Variants in RNF216 observed in about 807,000 individuals in gnomAD.
RNF216 encodes ring finger protein 216.
A neutral mutation model predicts 110.8 loss-of-function variants in RNF216; 72 were observed. The ratio of observed to expected loss-of-function variants is 0.65; its 90% CI spans 0.54 to 0.79. The LOEUF is 0.79. Among genes scored for constraint, RNF216 ranks in the 30% least tolerant of loss-of-function variants. The probability of loss-of-function intolerance (pLI) is 0.00; values close to 1 mark genes in which losing one functional copy is unlikely to be tolerated. For synonymous variants in RNF216, 495 were observed against 407.5 expected (o/e 1.21, Z -2.59); for missense variants, 1,342 against 1,141.2 (o/e 1.18, Z -2.54).
At chr7:5,736,823 G>A (rs1173704567) in intron 5 of RNF216, among the ~76,000 whole-genome samples, 12 of 151,790 alleles carry the variant, frequency 7.9e-5, no homozygotes, top group African/African-American at 2.9e-4. Context: ...CGTCTGAGAA[G>A]TGAGGAGCCC....
chr7:5,630,449 C>A (rs1404808078), intron 15 of RNF216, among the ~76,000 whole-genome samples: 2 of 152,100 alleles, frequency 1.3e-5, no homozygotes, highest in Non-Finnish European at 2.9e-5. Flanking sequence ...GTGATTATAG[C>A]TCACTGCAGC....
chr7:5,690,035 G>T (rs1791235240), intron 13 of RNF216, among the ~76,000 whole-genome samples: 1 of 151,854 alleles, frequency 6.6e-6, no homozygotes, highest in South Asian at 2.1e-4. Flanking sequence ...CATCTTTAAA[G>T]GTTTTATGGC....
rs566436888 is a variant in RNF216, at chr7:5,641,002, T to C, written c.2382+152A>G. ...AGCATGAGGAGTAGCTGATAATTAG[T>C]TTCTCAAATTTTTTCTTTGGTTATC... On this transcript the variant is annotated intron_variant, in intron 15 of 16. Transcript: ENST00000389902. 1.0e-3 allele frequency: 627 copies of C among 620,780 alleles called. 1 individual carries two copies. In the Middle Eastern group the frequency reaches 0.01, roughly 10 times the overall value. 38.5% of individuals were successfully genotyped at this position (620,780 alleles called of 1,614,324 possible).
At chr7:5,724,993 A>G (rs1232708291) in intron 8 of RNF216, among the ~76,000 whole-genome samples, 1 of 152,174 alleles carries the variant, frequency 6.6e-6, no homozygotes, top group Admixed American at 6.5e-5. Flanking sequence ...TTTTTACCTA[A>G]TAACACAGCC....
chr7:5,741,885 G>A (rs914153953), intron 3 of RNF216, 70 bp from the exon 4 acceptor site: 21 of 1,485,072 alleles, frequency 1.4e-5, no homozygotes, highest in Non-Finnish European at 1.8e-5. Flanking sequence ...TACTTATATT[G>A]AGCTTCCGAG....
At chr7:5,736,403 G>C (rs1360890027) in intron 5 of RNF216, among the ~76,000 whole-genome samples, 2 of 152,184 alleles carry the variant, frequency 1.3e-5, no homozygotes, top group Non-Finnish European at 2.9e-5. Context: ...ATTGCAGATG[G>C]AGTCTCGTTC....
At chr7:5,779,041 C>T (rs140585959) in intron 1 of RNF216, among the ~76,000 whole-genome samples, 109 of 152,316 alleles carry the variant, frequency 7.2e-4, no homozygotes, top group African/African-American at 2.5e-3. Flanking sequence ...ACACCATTCC[C>T]AACTATGTTC....
chr7:5,725,236 A>C, intron 8 of RNF216, 88 bp downstream of exon 8: 1 of 774,832 alleles, frequency 1.3e-6, no homozygotes, highest in Non-Finnish European at 2.2e-6. Context: ...CTCAGCAGAC[A>C]CCTGTAGCAC....
chr7:5,692,881 C>T (rs1457268587), intron 13 of RNF216, among the ~76,000 whole-genome samples: 2 of 152,218 alleles, frequency 1.3e-5, no homozygotes, highest in African/African-American at 4.8e-5. Context: ...CCTCCCTTAA[C>T]CCTTGGTGAG....
intron 13 of RNF216, among the ~76,000 whole-genome samples, chr7:5,706,188 C>T (rs1357380244): frequency 6.7e-6 from 1 of 149,372 alleles, no homozygotes; most frequent in East Asian, 1.9e-4. Context: ...CCACTGCACT[C>T]CAGCCTGAGC....
chr7:5,683,978 G>C (rs549755263), intron 13 of RNF216, among the ~76,000 whole-genome samples: 136 of 152,142 alleles, frequency 8.9e-4, no homozygotes, highest in Non-Finnish European at 1.5e-3. Context: ...GCAAGATCCA[G>C]TAGGGGTCTT....
At chr7:5,629,500 A>T (rs1397721619) in intron 15 of RNF216, among the ~76,000 whole-genome samples, 2 of 152,092 alleles carry the variant, frequency 1.3e-5, no homozygotes, top group Non-Finnish European at 2.9e-5. Context: ...TAAACTTAAA[A>T]ATGGCAAATT....
At chr7:5,774,268 C>T (rs1796656764) in intron 1 of RNF216, among the ~76,000 whole-genome samples, 1 of 152,134 alleles carries the variant, frequency 6.6e-6, no homozygotes, top group South Asian at 2.1e-4. Context: ...AATGAGAATA[C>T]AGTTGTTTTA....
At chr7:5,722,369 G>GTTTT (rs36102190) in intron 8 of RNF216, among the ~76,000 whole-genome samples, 11 of 143,636 alleles carry the variant, frequency 7.7e-5, no homozygotes, top group African/African-American at 2.8e-4. Flanking sequence ...TCATTCTCAT[G>GTTTT]TTTTTTTTTT....
At chr7:5,659,571 C>CAA (rs922713711) in intron 13 of RNF216, among the ~76,000 whole-genome samples, 4 of 152,304 alleles carry the variant, frequency 2.6e-5, no homozygotes, top group African/African-American at 9.6e-5. Flanking sequence ...GTGGGAAATG[C>CAA]AAGCATCTGG....
intron 15 of RNF216, among the ~76,000 whole-genome samples, chr7:5,637,168 TGAG>T (rs765400260): frequency 2.1e-4 from 32 of 152,158 alleles, no homozygotes; most frequent in South Asian, 6.2e-4. Flanking sequence ...GCCAGGGGGC[TGAG>T]GAGGTGAGTC....
At chr7:5,663,662 A>G (rs1253149665) in intron 13 of RNF216, among the ~76,000 whole-genome samples, 1 of 148,280 alleles carries the variant, frequency 6.7e-6, no homozygotes, top group Admixed American at 6.8e-5. Flanking sequence ...GCACTTTGGG[A>G]GGCTGAGGCG....
At chr7:5,703,993 C>T (rs1270449296) in intron 13 of RNF216, among the ~76,000 whole-genome samples, 1 of 152,204 alleles carries the variant, frequency 6.6e-6, no homozygotes, top group Middle Eastern at 3.2e-3. Context: ...CAGTCTCACA[C>T]CAAACACACC....
chr7:5,763,353 A>C (rs1479775490), intron 1 of RNF216, among the ~76,000 whole-genome samples: 1 of 152,186 alleles, frequency 6.6e-6, no homozygotes, highest in African/African-American at 2.4e-5. Context: ...TTTGAGGGCT[A>C]GGAGCGATGG....
Sources: allele counts gnomAD v4.1 joint callset (sites outside exome capture counted in the v4.1 genomes callset), GRCh38; gene constraint gnomAD v4.1.1; transcripts MANE v1.5; gene names NCBI Gene and HGNC (gene_info 2026-07-23, HGNC 2026-07-21).